SCD5: variants seen among roughly 807,000 people sequenced by gnomAD.
SCD5 encodes acyl-CoA-desaturase 4.
SCD5 carries 20 observed loss-of-function variants against 30.4 expected under a neutral mutation model. The observed-to-expected ratio is 0.66, with a 90% CI of 0.46 to 0.96. The LOEUF is 0.96. Ranked by LOEUF, SCD5 falls within the 40% of genes least tolerant of loss-of-function variation. SCD5 has a pLI of 0.00. For missense variants in SCD5, 381 were observed against 443.3 expected (o/e 0.86, Z 1.26); for synonymous variants, 173 against 176.4 (o/e 0.98, Z 0.16).
At chr4:82,793,592 T>C (rs1255458420) in intron 1 of SCD5, among the ~76,000 whole-genome samples, 2 of 152,250 alleles carry the variant, frequency 1.3e-5, no homozygotes, top group South Asian at 2.1e-4. Context: ...AAGACTTTTT[T>C]TTCTTCTGCT....
chr4:82,669,109 G>C (rs1728251126), intron 3 of SCD5, among the ~76,000 whole-genome samples: 1 of 152,126 alleles, frequency 6.6e-6, no homozygotes, highest in African/African-American at 2.4e-5. Context: ...CAAGGGAGAT[G>C]GAGTCAGGTT....
At chr4:82,638,016 C>T (rs1455985172) in intron 3 of SCD5, among the ~76,000 whole-genome samples, 1 of 152,120 alleles carries the variant, frequency 6.6e-6, no homozygotes, top group Non-Finnish European at 1.5e-5. Context: ...CACTGACAGG[C>T]CCCAGTGTGT....
intron 1 of SCD5, among the ~76,000 whole-genome samples, chr4:82,748,865 T>C (rs1721045637): frequency 6.6e-6 from 1 of 152,188 alleles, no homozygotes; most frequent in South Asian, 2.1e-4. Flanking sequence ...AGTGGCTCTA[T>C]CTTCGTCACC....
intron 4 of SCD5, among the ~76,000 whole-genome samples, chr4:82,636,171 G>C (rs1222056124): frequency 6.6e-6 from 1 of 151,980 alleles, no homozygotes; most frequent in Non-Finnish European, 1.5e-5. Context: ...TTGTCCAAGA[G>C]TCAGGATCCT....
At chr4:82,643,265 T>C (rs372377449) in intron 3 of SCD5, among the ~76,000 whole-genome samples, 23 of 152,304 alleles carry the variant, frequency 1.5e-4, no homozygotes, top group East Asian at 7.7e-4. Context: ...CCTAGGTATA[T>C]ATCCAAAAGA....
chr4:82,664,991 C>CTATATATA (rs1373219675), intron 3 of SCD5, among the ~76,000 whole-genome samples: 20 of 96,146 alleles, frequency 2.1e-4, no homozygotes, highest in African/African-American at 4.6e-4. Flanking sequence ...CTCTCTCTCT[C>CTATATATA]TCTCTCTCTA....
At chr4:82,662,190 G>A (rs1728026430) in intron 3 of SCD5, among the ~76,000 whole-genome samples, 1 of 152,052 alleles carries the variant, frequency 6.6e-6, no homozygotes, top group Admixed American at 6.6e-5. Flanking sequence ...CTAAGTAGCT[G>A]GAACTATAAG....
intron 1 of SCD5, among the ~76,000 whole-genome samples, chr4:82,752,273 T>TTATA (rs139910934): frequency 0.48 from 70,177 of 145,382 alleles, 17,762 homozygotes; most frequent in South Asian, 0.65. Context: ...TTTTAAAAAA[T>TTATA]TATATATATA....
intron 1 of SCD5, among the ~76,000 whole-genome samples, chr4:82,780,539 A>C (rs758718607): frequency 2.0e-5 from 3 of 152,214 alleles, no homozygotes; most frequent in Non-Finnish European, 4.4e-5. Flanking sequence ...GCACATCCCA[A>C]AAAGGGCTCC....
chr4:82,691,386 G>C (rs1728833482), intron 2 of SCD5, among the ~76,000 whole-genome samples: 1 of 152,126 alleles, frequency 6.6e-6, no homozygotes, highest in South Asian at 2.1e-4. Context: ...TGGAAGTGTG[G>C]GAGGGAGAGG....
chr4:82,682,052 C>A (rs1472462053), intron 2 of SCD5, among the ~76,000 whole-genome samples: 1 of 152,202 alleles, frequency 6.6e-6, no homozygotes, highest in Non-Finnish European at 1.5e-5. Flanking sequence ...AGAAGGGGGA[C>A]AACTTTGGCT....
chr4:82,684,272 T>C (rs1728648073), intron 2 of SCD5, among the ~76,000 whole-genome samples: 1 of 152,218 alleles, frequency 6.6e-6, no homozygotes, highest in Admixed American at 6.5e-5. Flanking sequence ...CTTTAAGATG[T>C]ATTTTTTAAT....
intron 3 of SCD5, among the ~76,000 whole-genome samples, chr4:82,661,920 A>G (rs781778038): frequency 2.0e-5 from 3 of 152,200 alleles, no homozygotes; most frequent in Non-Finnish European, 2.9e-5. Flanking sequence ...TCCTCCACTG[A>G]GAGGTGGCAG....
chr4:82,677,164 A>T (rs149259321), intron 3 of SCD5, among the ~76,000 whole-genome samples: 25 of 152,314 alleles, frequency 1.6e-4, no homozygotes, highest in African/African-American at 6.0e-4. Context: ...TGTTTGAGTA[A>T]ACTCTCCAAG....
intron 1 of SCD5, among the ~76,000 whole-genome samples, chr4:82,770,400 T>C (rs183220964): frequency 4.0e-4 from 61 of 152,334 alleles, no homozygotes; most frequent in Admixed American, 4.0e-3. Flanking sequence ...CTGAAAGCCC[T>C]AAGGGTTGAT....
At chr4:82,734,438 C>T (rs941177949) in intron 1 of SCD5, among the ~76,000 whole-genome samples, 70 of 152,186 alleles carry the variant, frequency 4.6e-4, no homozygotes, top group Middle Eastern at 3.2e-3. Context: ...TACGTATAAT[C>T]GAGGAAATTT....
chr4:82,685,756 G>A lies in SCD5; in HGVS notation c.364-4844C>T, dbSNP rs1450327022. 2.6e-5 allele frequency among the ~76,000 whole-genome samples: 4 copies of A among 151,508 alleles called. No homozygotes were observed. The East Asian group carries it at 7.7e-4, about 29-fold the overall frequency. On this transcript the variant is annotated intron_variant, in intron 2 of 4. Transcript: ENST00000319540. ...AAAAAAAACTAAAAACAAAAAAAGT[G>A]AAAAGAAACAAGTAAAATTAATTTT...
chr4:82,747,679 C>T (rs1233614183), intron 1 of SCD5, among the ~76,000 whole-genome samples: 1 of 152,206 alleles, frequency 6.6e-6, no homozygotes, highest in Non-Finnish European at 1.5e-5. Flanking sequence ...GCAAGGCTTC[C>T]TATAATTGCA....
At chr4:82,657,317 G>C (rs1217644429) in intron 3 of SCD5, among the ~76,000 whole-genome samples, 2 of 152,122 alleles carry the variant, frequency 1.3e-5, no homozygotes, top group Non-Finnish European at 2.9e-5. Context: ...TTCTGCATTT[G>C]GTTAGCCAGT....
Sources: allele counts gnomAD v4.1 joint callset (sites outside exome capture counted in the v4.1 genomes callset), GRCh38; gene constraint gnomAD v4.1.1; transcripts MANE v1.5; gene names NCBI Gene and HGNC (gene_info 2026-07-23, HGNC 2026-07-21).